ANK3: variants seen among roughly 807,000 people sequenced by gnomAD.
ANK3 encodes the protein ankyrin 3.
ANK3 carries 57 observed loss-of-function variants against 370.9 expected under a neutral mutation model. The observed-to-expected ratio is 0.15, with a 90% CI of 0.12 to 0.19. The LOEUF (loss-of-function observed/expected upper bound fraction) is 0.19. Among genes scored for constraint, ANK3 ranks in the 10% least tolerant of loss-of-function variants. ANK3 has a pLI of 1.00. For missense variants in ANK3, 4,439 were observed against 5,302.1 expected (o/e 0.84, Z 5.06); for synonymous variants, 1,929 against 1,946.3 (o/e 0.99, Z 0.23).
intron 7 of ANK3, 58 bp from the exon 8 acceptor site, chr10:60,234,844 T>C: frequency 9.2e-7 from 1 of 1,091,406 alleles, no homozygotes; most frequent in Admixed American, 1.9e-5. Flanking sequence ...AAAACGTTCC[T>C]TTCTAAACTT....
At chr10:60,369,208 TC>T (rs1227735487) in intron 1 of ANK3, among the ~76,000 whole-genome samples, 3 of 152,196 alleles carry the variant, frequency 2.0e-5, no homozygotes, top group Non-Finnish European at 4.4e-5. Flanking sequence ...AAAATGAACA[TC>T]TTTGGCTGCA....
chr10:60,581,417 CCTTTT>C (rs2077750268), intron 2 of ANK3, among the ~76,000 whole-genome samples: 1 of 119,452 alleles, frequency 8.4e-6, no homozygotes. Flanking sequence ...GGTATTTTGC[CCTTTT>C]TTTTTTTTTT....
At chr10:60,563,933 T>A (rs545705387) in intron 2 of ANK3, among the ~76,000 whole-genome samples, 2 of 152,302 alleles carry the variant, frequency 1.3e-5, no homozygotes, top group East Asian at 3.9e-4. Context: ...TATCAAGAAG[T>A]AATATCCCAG....
intron 1 of ANK3, among the ~76,000 whole-genome samples, chr10:60,621,264 G>T (rs970027833): frequency 3.9e-5 from 6 of 152,178 alleles, no homozygotes; most frequent in Non-Finnish European, 5.9e-5. Flanking sequence ...TTCTAAAAAG[G>T]ACCTTTGAGA....
chr10:60,068,822 T>G lies in ANK3; in HGVS notation c.12059A>C (p.Lys4020Thr), dbSNP rs1268832046. Residue 4020 changes from lysine to threonine, a missense_variant, in exon 37 of 44, where the codon AAG (lysine) becomes ACG (threonine). Physicochemically the swap from Lys to Thr is moderately conservative, Grantham distance 78 (BLOSUM62 -1). This residue lies in a region of ANK3 where 496 missense variants were observed against 529.3 expected (regional missense o/e 0.94). Coordinates refer to ENST00000280772, the MANE Select transcript of ANK3 (RefSeq NM_020987.5). Reference sequence around the variant, plus strand: ...CTCATCGGACAACTCGGACTGCATCTTTTTTTCTTCTTCAGAGAGGCGGTC... The same window carrying G: ...CTCATCGGACAACTCGGACTGCATCGTTTTTTCTTCTTCAGAGAGGCGGTC... ...LVDRLSEEEK[K>T]MQSELSDEEE... is the part of the protein sequence containing the mutation. 6.2e-7 allele frequency: 1 copy of G among 1,614,196 alleles called. No individual in the cohort carries two copies. Among genetic ancestry groups the G allele is most frequent in the Non-Finnish European group, 8.5e-7 (1 of 1,180,018 alleles).
At chr10:60,235,550 G>GTTTTTTTTTT (rs72388493) in intron 7 of ANK3, among the ~76,000 whole-genome samples, 10 of 115,052 alleles carry the variant, frequency 8.7e-5, no homozygotes, top group Non-Finnish European at 1.6e-4. Flanking sequence ...CTGATTTCTT[G>GTTTTTTTTTT]TTTTTTTTTT....
At chr10:60,160,306 A>G (rs561257929) in intron 23 of ANK3, among the ~76,000 whole-genome samples, 32 of 152,220 alleles carry the variant, frequency 2.1e-4, no homozygotes, top group Admixed American at 5.9e-4. Context: ...GAAACCTGTC[A>G]GAAATGGATA....
intron 1 of ANK3, among the ~76,000 whole-genome samples, chr10:60,687,471 G>A (rs2079284266): frequency 6.6e-6 from 1 of 151,968 alleles, no homozygotes; most frequent in African/African-American, 2.4e-5. Flanking sequence ...CTAATCATTA[G>A]GGAAATTCAA....
intron 42 of ANK3, among the ~76,000 whole-genome samples, chr10:60,049,039 A>G (rs2131887630): frequency 6.6e-6 from 1 of 152,372 alleles, no homozygotes; most frequent in Middle Eastern, 3.4e-3. Context: ...TAAAGAGAAA[A>G]GCAACAGAAG....
intron 41 of ANK3, among the ~76,000 whole-genome samples, chr10:60,057,129 T>C (rs1340499385): frequency 3.3e-5 from 5 of 152,182 alleles, no homozygotes; most frequent in Non-Finnish European, 7.3e-5. Context: ...TTTCCAACTC[T>C]AATACCTTTA....
At chr10:60,144,151 C>G (rs956368462) in intron 23 of ANK3, 2 of 416,606 alleles carry the variant, frequency 4.8e-6, no homozygotes, top group African/African-American at 4.3e-5. Context: ...CCGATTAACT[C>G]ACAGAACCAA....
intron 28 of ANK3, among the ~76,000 whole-genome samples, chr10:60,092,620 A>G (rs1396910265): frequency 6.6e-6 from 1 of 152,232 alleles, no homozygotes; most frequent in African/African-American, 2.4e-5. Flanking sequence ...AGTAACTATT[A>G]GAAAAAAAAG....
At chr10:60,529,214 A>C (rs2076547396) in intron 2 of ANK3, among the ~76,000 whole-genome samples, 1 of 152,186 alleles carries the variant, frequency 6.6e-6, no homozygotes, top group Non-Finnish European at 1.5e-5. Context: ...AAAGTGCCAG[A>C]AACAACAGTC....
At chr10:60,731,567 A>G (rs2080022428) in intron 1 of ANK3, among the ~76,000 whole-genome samples, 2 of 152,252 alleles carry the variant, frequency 1.3e-5, no homozygotes, top group African/African-American at 4.8e-5. Flanking sequence ...TCCAGATATT[A>G]GTAGCTGATT....
intron 25 of ANK3, among the ~76,000 whole-genome samples, chr10:60,125,284 G>A (rs776111968): frequency 3.3e-5 from 5 of 152,142 alleles, no homozygotes; most frequent in Admixed American, 6.6e-5. Context: ...AAGACAATCT[G>A]GTTATGAACT....
chr10:60,528,337 T>TCTCTTTGGAGATGGA (rs1336849346), intron 2 of ANK3, among the ~76,000 whole-genome samples: 3 of 152,014 alleles, frequency 2.0e-5, no homozygotes, highest in Admixed American at 2.0e-4. Context: ...TGTTTCTCCA[T>TCTCTTTGGAGATGGA]GTTGGCCAGG....
chr10:60,287,965 A>C (rs2040411558), intron 1 of ANK3, among the ~76,000 whole-genome samples: 1 of 152,170 alleles, frequency 6.6e-6, no homozygotes, highest in Admixed American at 6.5e-5. Context: ...CATAATATCC[A>C]ATCCACTTCT....
chr10:60,184,437 G>C (rs2096275413), intron 17 of ANK3, among the ~76,000 whole-genome samples: 1 of 152,212 alleles, frequency 6.6e-6, no homozygotes, highest in Non-Finnish European at 1.5e-5. Context: ...CTTCTTATTA[G>C]ATAGTTTCTA....
At chr10:60,695,427 C>A (rs1316168887) in intron 1 of ANK3, among the ~76,000 whole-genome samples, 1 of 152,142 alleles carries the variant, frequency 6.6e-6, no homozygotes, top group Non-Finnish European at 1.5e-5. Context: ...GAACTCTCCA[C>A]CCCAAATCAA....
Sources: gnomAD v4.1 joint callset for allele counts (sites outside exome capture counted in the v4.1 genomes callset) on GRCh38, gnomAD v4.1.1 for gene constraint, gnomAD v4.1.1 regional missense constraint, MANE v1.5 for transcripts, NCBI Gene and HGNC (gene_info 2026-07-23, HGNC 2026-07-21) for gene names.